NSD1: variants seen among roughly 807,000 people sequenced by gnomAD.
NSD1 encodes histone-lysine N-methyltransferase, H3 lysine-36 specific.
In NSD1, 26 loss-of-function variants were observed where a neutral mutation model predicts 242.7. The observed-to-expected ratio is 0.11, with a 90% CI of 0.08 to 0.15. The LOEUF (loss-of-function observed/expected upper bound fraction) is 0.15. Ranked by LOEUF, NSD1 falls within the 10% of genes least tolerant of loss-of-function variation. NSD1 has a pLI of 1.00. For missense variants in NSD1, 2,495 were observed against 3,272.8 expected (o/e 0.76, Z 5.80); for synonymous variants, 1,106 against 1,178.1 (o/e 0.94, Z 1.25).
Position 177,135,967 on chromosome 5 carries a change from A to T in NSD1, c.864A>T (p.Thr288=), listed in dbSNP as rs369935158. 1.5e-5 allele frequency: 25 copies of T among 1,614,058 alleles called. No homozygotes were observed. The highest frequency in any genetic ancestry group is 1.9e-5 in the Non-Finnish European group (23 of 1,180,034). The part of the protein sequence containing the change: ...FQDDPDSSTS[T]LGNMLELPGT... ...ATGATCCAGATTCCAGTACCAGTAC[A>T]TTAGGAAACATGCTAGAATTACCTG... Residue 288 remains threonine (T), a synonymous_variant, in exon 2 of 23, where the codon ACA becomes ACT. Transcript: ENST00000439151.
intron 2 of NSD1, among the ~76,000 whole-genome samples, chr5:177,166,560 T>G (rs1759216932): frequency 6.6e-6 from 1 of 151,708 alleles, no homozygotes; most frequent in Admixed American, 6.6e-5. Flanking sequence ...AAAAAAAAGT[T>G]TTAGTTTTTT....
chr5:177,246,654 T>C, intron 9 of NSD1, 24 bp from the exon 10 acceptor site: 1 of 1,519,528 alleles, frequency 6.6e-7, no homozygotes, highest in Non-Finnish European at 9.1e-7. Flanking sequence ...TAGCCAGCAG[T>C]TAACACCTAT....
At chr5:177,189,745 A>G (rs1319928592) in intron 2 of NSD1, among the ~76,000 whole-genome samples, 1 of 152,198 alleles carries the variant, frequency 6.6e-6, no homozygotes, top group Non-Finnish European at 1.5e-5. Flanking sequence ...ATAAATAAGC[A>G]AGTTCCATAT....
chr5:177,141,573 A>T (rs1284761299), intron 2 of NSD1, among the ~76,000 whole-genome samples: 1 of 151,560 alleles, frequency 6.6e-6, no homozygotes, highest in African/African-American at 2.4e-5. Flanking sequence ...CAAGTGATCC[A>T]CCTGCTTCAG....
At chr5:177,172,311 A>G (rs778934182) in intron 2 of NSD1, among the ~76,000 whole-genome samples, 1 of 151,554 alleles carries the variant, frequency 6.6e-6, no homozygotes, top group Non-Finnish European at 1.5e-5. Context: ...AGTTAGAGAC[A>G]CTTTTGGAGT....
intron 5 of NSD1, among the ~76,000 whole-genome samples, chr5:177,213,663 G>A (rs1763537917): frequency 6.6e-6 from 1 of 152,022 alleles, no homozygotes; most frequent in Non-Finnish European, 1.5e-5. Context: ...GTAGAGACGG[G>A]GTTTCACTGT....
At chr5:177,164,469 G>A (rs943607871) in intron 2 of NSD1, among the ~76,000 whole-genome samples, 3 of 151,930 alleles carry the variant, frequency 2.0e-5, no homozygotes, top group African/African-American at 4.8e-5. Flanking sequence ...AAAATGTAAC[G>A]TCTGTCTAGT....
intron 2 of NSD1, among the ~76,000 whole-genome samples, chr5:177,146,431 C>A (rs1010074852): frequency 6.6e-6 from 1 of 151,778 alleles, no homozygotes; most frequent in Non-Finnish European, 1.5e-5. Context: ...GTCTCAATCT[C>A]CCGACCTTGT....
Position 177,280,630 on chromosome 5 carries a change from C to T in NSD1, c.5688C>T (p.Asn1896=), listed in dbSNP as rs752917818. ...ACTTATCTGAAATACCCCGTTGCAA[C>T]TGTAAAGCTACTGATGAGAACCCCT... ...TADLSEIPRC[N]CKATDENPCG... is the part of the protein sequence containing the mutation. Residue 1896 remains asparagine (N), a synonymous_variant, in exon 18 of 23, where the codon AAC becomes AAT. Transcript: ENST00000439151. 38 of 1,614,100 alleles carry T rather than the reference C, an allele frequency of 2.4e-5. No homozygotes were observed. Among genetic ancestry groups the T allele is most frequent in the African/African-American group, 4.0e-5 (3 of 74,928 alleles).
intron 14 of NSD1, chr5:177,265,899 G>T: frequency 6.8e-7 from 1 of 1,471,210 alleles, no homozygotes; most frequent in Non-Finnish European, 9.5e-7. Context: ...GTGAAGGTCA[G>T]GTCTTCCACC....
Position 177,231,665 on chromosome 5 carries a change from C to A in NSD1, c.3797-4156C>A, listed in dbSNP as rs571202455. ...GAACTCCTGGCCTCAGGTGATCCGC[C>A]CACCTTGGCCTCCCAAAGTGCTGGG... On this transcript the variant is annotated intron_variant, in intron 5 of 22. Coordinates refer to ENST00000439151, the MANE Select transcript of NSD1 (RefSeq NM_022455.5). 2.0e-4 allele frequency among the ~76,000 whole-genome samples: 31 copies of A among 152,184 alleles called. No homozygotes were observed. The East Asian group carries it at 5.8e-3, about 29-fold the overall frequency.
intron 21 of NSD1, among the ~76,000 whole-genome samples, chr5:177,291,333 G>A (rs1224285358): frequency 1.3e-5 from 2 of 152,226 alleles, no homozygotes; most frequent in Non-Finnish European, 2.9e-5. Context: ...CAGAAGTCTA[G>A]TTTAGTTCTG....
intron 2 of NSD1, among the ~76,000 whole-genome samples, chr5:177,163,303 C>A (rs950099535): frequency 6.6e-6 from 1 of 151,838 alleles, no homozygotes; most frequent in African/African-American, 2.4e-5. Flanking sequence ...TCACCATGCC[C>A]GGCTAATTTT....
At chr5:177,154,394 T>G (rs1757957158) in intron 2 of NSD1, among the ~76,000 whole-genome samples, 1 of 152,162 alleles carries the variant, frequency 6.6e-6, no homozygotes, top group Non-Finnish European at 1.5e-5. Context: ...TAGTTTTAAT[T>G]AAAGGAAAAG....
chr5:177,157,915 ATGT>A (rs1247269706), intron 2 of NSD1, among the ~76,000 whole-genome samples: 2 of 152,174 alleles, frequency 1.3e-5, no homozygotes, highest in East Asian at 1.9e-4. Flanking sequence ...AGGCCCATTT[ATGT>A]TGTTGTATGT....
At chr5:177,220,799 T>C (rs1361737308) in intron 5 of NSD1, among the ~76,000 whole-genome samples, 1 of 152,000 alleles carries the variant, frequency 6.6e-6, no homozygotes, top group African/African-American at 2.4e-5. Context: ...TCAAGTGATC[T>C]TCCTCAAGTG....
chr5:177,247,282 T>A (rs889989605), intron 10 of NSD1, among the ~76,000 whole-genome samples: 6 of 152,086 alleles, frequency 3.9e-5, no homozygotes, highest in Non-Finnish European at 7.4e-5. Flanking sequence ...ATACAGAAAT[T>A]ACCTGAGTGT....
chr5:177,152,737 T>G (rs1282174664), intron 2 of NSD1, among the ~76,000 whole-genome samples: 1 of 151,726 alleles, frequency 6.6e-6, no homozygotes, highest in Admixed American at 6.6e-5. Context: ...GTGCTGGGAT[T>G]ACAGGCGTGA....
intron 2 of NSD1, among the ~76,000 whole-genome samples, chr5:177,143,945 C>T (rs1028915669): frequency 6.6e-6 from 1 of 151,890 alleles, no homozygotes; most frequent in African/African-American, 2.4e-5. Context: ...GCCACCATGC[C>T]CGACTAATTT....
Sources: allele counts gnomAD v4.1 joint callset (sites outside exome capture counted in the v4.1 genomes callset), GRCh38; gene constraint gnomAD v4.1.1; transcripts MANE v1.5; gene names NCBI Gene and HGNC (gene_info 2026-07-23, HGNC 2026-07-21).